NRXN3: variants seen among roughly 807,000 people sequenced by gnomAD.
NRXN3 encodes neurexin 3, also known as neurexin III.
A neutral mutation model predicts 137.6 loss-of-function variants in NRXN3; 32 were observed. The ratio of observed to expected loss-of-function variants is 0.23; its 90% CI spans 0.18 to 0.31. NRXN3 has a LOEUF of 0.31. Among genes scored for constraint, NRXN3 ranks in the 10% least tolerant of loss-of-function variants. NRXN3 has a pLI of 1.00. For missense variants in NRXN3, 1,574 were observed against 2,062.5 expected (o/e 0.76, Z 4.59); for synonymous variants, 798 against 784.5 (o/e 1.02, Z -0.29).
intron 8 of NRXN3, among the ~76,000 whole-genome samples, chr14:78,796,471 G>C (rs1358259848): frequency 6.6e-6 from 1 of 152,256 alleles, no homozygotes; most frequent in South Asian, 2.1e-4. Context: ...CATGGCTAAG[G>C]GTTTTCTTAA....
chr14:79,352,523 G>A (rs1653606445), intron 15 of NRXN3, among the ~76,000 whole-genome samples: 1 of 152,054 alleles, frequency 6.6e-6, no homozygotes, highest in Non-Finnish European at 1.5e-5. Context: ...GTATGTGGAG[G>A]CATTATATGG....
chr14:79,055,656 T>A (rs1284636922), intron 15 of NRXN3, among the ~76,000 whole-genome samples: 1 of 152,122 alleles, frequency 6.6e-6, no homozygotes, highest in Non-Finnish European at 1.5e-5. Context: ...CATTCTAATC[T>A]TAATAGGAAA....
At chr14:78,355,271 C>T (rs1418252315) in intron 4 of NRXN3, among the ~76,000 whole-genome samples, 1 of 152,056 alleles carries the variant, frequency 6.6e-6, no homozygotes, top group Non-Finnish European at 1.5e-5. Flanking sequence ...CTTATCTCTC[C>T]CTTTGAGGGA....
intron 19 of NRXN3, among the ~76,000 whole-genome samples, chr14:79,707,267 A>G (rs578168185): frequency 6.6e-6 from 1 of 152,354 alleles, no homozygotes; most frequent in East Asian, 1.9e-4. Context: ...GAATGAAAGT[A>G]AGTTAAGCAA....
At chr14:79,461,747 T>C (rs2096344728) in intron 15 of NRXN3, among the ~76,000 whole-genome samples, 1 of 152,206 alleles carries the variant, frequency 6.6e-6, no homozygotes, top group African/African-American at 2.4e-5. Context: ...TTTTATGTCA[T>C]TGATAGTCCT....
At chr14:79,297,042 G>A (rs1296324203) in intron 15 of NRXN3, among the ~76,000 whole-genome samples, 2 of 152,116 alleles carry the variant, frequency 1.3e-5, no homozygotes, top group Admixed American at 1.3e-4. Flanking sequence ...TCCTATTTAA[G>A]CAGAATCCTC....
At chr14:78,194,006 G>A (rs1439198404) in intron 1 of NRXN3, among the ~76,000 whole-genome samples, 1 of 152,138 alleles carries the variant, frequency 6.6e-6, no homozygotes, top group African/African-American at 2.4e-5. Context: ...TCTGCATCTG[G>A]ACTCTGGCCC....
At chr14:79,331,686 T>A (rs1348422201) in intron 15 of NRXN3, among the ~76,000 whole-genome samples, 1 of 152,204 alleles carries the variant, frequency 6.6e-6, no homozygotes, top group Non-Finnish European at 1.5e-5. Flanking sequence ...AATTCCCATG[T>A]AAGTGTATTT....
In NRXN3 at chr14:78,694,010, C is replaced by T. The variant is rs535450110; in HGVS notation, c.1222-15207C>T. ...CATCCGTGCTATTTCTTTTACCTTC[C>T]TATTTCAAAACCTGGCTAATGCCAC... On this transcript the variant is annotated intron_variant, in intron 6 of 20. Coordinates refer to ENST00000335750, the MANE Select transcript of NRXN3 (RefSeq NM_001330195.2). 1.4e-4 allele frequency among the ~76,000 whole-genome samples: 21 copies of T among 152,018 alleles called. No homozygotes were observed. In the East Asian group the frequency reaches 3.3e-3, roughly 24 times the overall value.
chr14:79,605,351 A>AT (rs2097993414), intron 16 of NRXN3, among the ~76,000 whole-genome samples: 3 of 152,074 alleles, frequency 2.0e-5, no homozygotes, highest in Admixed American at 2.0e-4. Flanking sequence ...TAATAAAATT[A>AT]TTTTTTTCTC....
intron 15 of NRXN3, among the ~76,000 whole-genome samples, chr14:79,412,374 T>G (rs1312603385): frequency 6.6e-6 from 1 of 152,090 alleles, no homozygotes; most frequent in African/African-American, 2.4e-5. Flanking sequence ...ATGCTTAGTT[T>G]TAAAGAATGC....
intron 15 of NRXN3, among the ~76,000 whole-genome samples, chr14:79,115,560 T>C (rs1038094805): frequency 1.3e-5 from 2 of 152,122 alleles, no homozygotes; most frequent in Admixed American, 1.3e-4. Context: ...TTCAAGAAAA[T>C]TGAAAGAGAA....
intron 10 of NRXN3, among the ~76,000 whole-genome samples, chr14:78,892,048 G>A (rs947614108): frequency 1.1e-4 from 16 of 151,812 alleles, no homozygotes; most frequent in African/African-American, 4.8e-5. Context: ...TCTCTGGCTC[G>A]GCAGTGTTGG....
chr14:78,499,410 C>T (rs1398684844), intron 4 of NRXN3, among the ~76,000 whole-genome samples: 10 of 152,136 alleles, frequency 6.6e-5, no homozygotes, highest in South Asian at 2.1e-4. Context: ...AGCTGATAAT[C>T]GGGGCCTCCC....
At chr14:78,478,914 C>CT (rs1291325758) in intron 4 of NRXN3, among the ~76,000 whole-genome samples, 2 of 152,166 alleles carry the variant, frequency 1.3e-5, no homozygotes, top group East Asian at 1.9e-4. Context: ...AGATGTGTCT[C>CT]TTTTTTTTCC....
intron 15 of NRXN3, among the ~76,000 whole-genome samples, chr14:79,283,815 G>A (rs962116209): frequency 2.0e-5 from 3 of 152,004 alleles, no homozygotes; most frequent in Non-Finnish European, 4.4e-5. Flanking sequence ...GGCTACTGCT[G>A]AAGATACAGA....
At chr14:79,673,669 A>G (rs1289379295) in intron 17 of NRXN3, among the ~76,000 whole-genome samples, 1 of 152,086 alleles carries the variant, frequency 6.6e-6, no homozygotes, top group Non-Finnish European at 1.5e-5. Flanking sequence ...TTTGTTCCAC[A>G]TCTACTTTAT....
At chr14:78,290,288 T>C (rs2075670782) in intron 3 of NRXN3, among the ~76,000 whole-genome samples, 1 of 152,220 alleles carries the variant, frequency 6.6e-6, no homozygotes, top group Admixed American at 6.5e-5. Context: ...AATTCTTATA[T>C]CTAACAAATT....
At chr14:78,177,212 A>T (rs988453621) in intron 1 of NRXN3, among the ~76,000 whole-genome samples, 2 of 152,168 alleles carry the variant, frequency 1.3e-5, no homozygotes, top group Admixed American at 6.5e-5. Flanking sequence ...ATGAATCCAG[A>T]CATTGGCCCC....
Sources: allele counts gnomAD v4.1 joint callset (sites outside exome capture counted in the v4.1 genomes callset), GRCh38; gene constraint gnomAD v4.1.1; transcripts MANE v1.5; gene names NCBI Gene and HGNC (gene_info 2026-07-23, HGNC 2026-07-21).